The following LAYN variants were observed in gnomAD, a reference collection of about 807,000 sequenced individuals.
LAYN encodes layilin.
LAYN carries 38 observed loss-of-function variants against 43.6 expected under a neutral mutation model. The observed-to-expected ratio is 0.87, with a 90% confidence interval of 0.67 to 1.14. LAYN has a LOEUF of 1.14. Ranked by LOEUF, LAYN falls within the 50% of genes most tolerant of loss-of-function variation. The pLI is 0.00. For missense variants in LAYN, 479 were observed against 463.8 expected, an observed-to-expected ratio of 1.03 and a Z score of -0.30; for synonymous variants, 168 against 172.9, an observed-to-expected ratio of 0.97 and a Z score of 0.22.
At chr11:111,542,632 G>A (rs1867567739) in intron 1 of LAYN, among the ~76,000 whole-genome samples, 1 of 152,186 alleles carries the variant, frequency 6.6e-6, no homozygotes, top group Non-Finnish European at 1.5e-5. Context: ...GTTCTGGGAG[G>A]AGGTTCCCAA....
intron 6 of LAYN, 116 bp downstream of exon 6, chr11:111,557,759 G>A: frequency 1.2e-6 from 1 of 846,454 alleles, no homozygotes; most frequent in East Asian, 2.4e-5. Context: ...CACCATTGCA[G>A]ATTGGAGAGT....
In LAYN at chr11:111,553,069, C is replaced by T. The variant is rs150503192; in HGVS notation, c.542-1492C>T. On this transcript the variant is annotated intron_variant, in intron 3 of 6. Transcript: ENST00000375614. ...CATCCTGGCTAACACTGTGAAACCCCGTCTCTACTAAAAAATACAAAAAAT... is the reference window on the plus strand; with the variant it reads ...CATCCTGGCTAACACTGTGAAACCCTGTCTCTACTAAAAAATACAAAAAAT... Among the ~76,000 whole-genome samples, 800 of 151,932 alleles carry T rather than the reference C, an allele frequency of 5.3e-3. 8 individuals are homozygous for T. Among genetic ancestry groups the T allele is most frequent in the African/African-American group, 0.018 (741 of 41,388 alleles).
chr11:111,544,145 G>A lies in LAYN; in HGVS notation c.308G>A (p.Arg103His), dbSNP rs199956904. The A allele has an allele frequency of 2.9e-4, 467 of 1,614,034 alleles. 2 individuals carry two copies. The highest frequency in any genetic ancestry group is 2.7e-4 in the Non-Finnish European group (316 of 1,180,030). Residue 103 changes from arginine (R) to histidine (H), a missense_variant, in exon 2 of 7, where the codon CGT (arginine) becomes CAT (histidine). By Grantham distance (29) the Arg-to-His change is conservative (BLOSUM62 0). Coordinates refer to ENST00000375614, the MANE Select transcript of LAYN (RefSeq NM_178834.5). ...DGDFWIGLRR[R>H]EEKQSNSTAC... is the part of the protein sequence containing the mutation. ...GACTTCTGGATTGGGCTCAGGAGGCGTGAGGAGAAACAAAGCAATAGCACA... is the reference window on the plus strand; with the variant it reads ...GACTTCTGGATTGGGCTCAGGAGGCATGAGGAGAAACAAAGCAATAGCACA...
chr11:111,544,330 T>C, intron 2 of LAYN, 110 bp downstream of exon 2: 1 of 1,070,882 alleles, frequency 9.3e-7, no homozygotes, highest in East Asian at 2.5e-5. Context: ...ACCAGGCAGA[T>C]CTCTGAAGGG....
At chr11:111,556,466 G>A (rs184580361) in intron 5 of LAYN, among the ~76,000 whole-genome samples, 41 of 152,274 alleles carry the variant, frequency 2.7e-4, no homozygotes, top group East Asian at 2.3e-3. Flanking sequence ...GCCAGCCCCC[G>A]TCTGAATCAT....
Position 111,560,099 on chromosome 11 carries a change from C to T in LAYN, c.766C>T (p.Arg256Trp), listed in dbSNP as rs773587902. ...CCTGGTTTTCTTTCTTCCTAGAAAA[C>T]GGGAGCAGCCAGACCCTAGCACAAA... is the stretch of plus-strand genomic sequence containing the variant. ...CWVWICRKRK[R>W]EQPDPSTKKQ... Residue 256 changes from arginine to tryptophan, a missense_variant, in exon 7 of 7, where the codon CGG becomes TGG. Coordinates refer to ENST00000375614, the MANE Select transcript of LAYN (RefSeq NM_178834.5). 36 of 1,595,318 alleles carry T rather than the reference C, an allele frequency of 2.3e-5. No homozygotes were observed. Among genetic ancestry groups the T allele is most frequent in the African/African-American group, 6.8e-5 (5 of 73,814 alleles).
At chr11:111,542,221 C>T (rs1848464902) in intron 1 of LAYN, among the ~76,000 whole-genome samples, 1 of 152,216 alleles carries the variant, frequency 6.6e-6, no homozygotes, top group African/African-American at 2.4e-5. Context: ...CAGCCCCCTT[C>T]CCGGGGGTAT....
intron 1 of LAYN, 77 bp from the exon 2 acceptor site, chr11:111,543,846 C>T: frequency 7.1e-7 from 1 of 1,414,864 alleles, no homozygotes; most frequent in Non-Finnish European, 9.6e-7. Flanking sequence ...GGATACCTTC[C>T]TTTGGATGCC....
intron 3 of LAYN, among the ~76,000 whole-genome samples, chr11:111,552,667 T>G (rs1051527828): frequency 1.3e-5 from 2 of 152,246 alleles, no homozygotes; most frequent in Non-Finnish European, 2.9e-5. Context: ...TGTGCCGTTT[T>G]TAACTTTGCA....
chr11:111,540,459 G>C, upstream of LAYN: 1 of 282,402 alleles, frequency 3.5e-6, no homozygotes, highest in Non-Finnish European at 6.7e-6. Flanking sequence ...CTCGTTATCA[G>C]ATTGCCTAGG....
At chr11:111,549,801 C>T (rs372519771) in intron 3 of LAYN, 26 bp downstream of exon 3, 285 of 1,580,032 alleles carry the variant, frequency 1.8e-4, no homozygotes, top group Non-Finnish European at 2.2e-4. Context: ...CCAAGCTATG[C>T]GGCTGAATTC....
chr11:111,550,317 A>G (rs189229250), intron 3 of LAYN, among the ~76,000 whole-genome samples: 8 of 152,340 alleles, frequency 5.3e-5, no homozygotes, highest in African/African-American at 1.4e-4. Flanking sequence ...TGCCTTGCAA[A>G]TTCAACTTAC....
upstream of LAYN, chr11:111,540,372 C>G (rs542620636): frequency 1.4e-3 from 252 of 175,642 alleles, 2 homozygotes; most frequent in African/African-American, 5.8e-3. Flanking sequence ...CCAGGTGCAC[C>G]CGCACAGCTG....
Position 111,557,631 on chromosome 11 carries a change from T to C in LAYN, c.749T>C (p.Ile250Thr). 1.9e-6 allele frequency: 3 copies of C among 1,613,604 alleles called. No homozygotes were observed. The highest frequency in any genetic ancestry group is 2.5e-6 in the Non-Finnish European group (3 of 1,179,458). The change falls in exon 6 of 7, where the codon ATC (isoleucine) becomes ACC (threonine). Residue 250 changes from isoleucine to threonine, a missense_variant. Coordinates refer to ENST00000375614, the MANE Select transcript of LAYN (RefSeq NM_178834.5). Reference sequence around the variant, plus strand: ...ACCACAGTTGTATGTTGGGTTTGGATCTGTAGAAAAAGGCAAGTAAAACCT... The same window carrying C: ...ACCACAGTTGTATGTTGGGTTTGGACCTGTAGAAAAAGGCAAGTAAAACCT... ...VVTTVVCWVW[I>T]CRKRKREQPD...
In LAYN at chr11:111,549,614, A is replaced by G; in HGVS notation, c.384-4A>G. The G allele has an allele frequency of 6.5e-7, 1 of 1,538,988 alleles. No homozygotes were observed. Among genetic ancestry groups the G allele is most frequent in the Non-Finnish European group, 8.7e-7 (1 of 1,150,638 alleles). ...TGCCTCTACTGCTGATCCCTTCCCT[A>G]CAGGAACTGGTATGTGGATGAGCCA... On this transcript the variant is annotated splice_polypyrimidine_tract_variant and splice_region_variant and intron_variant, in intron 2 of 6. Coordinates refer to ENST00000375614, the MANE Select transcript of LAYN (RefSeq NM_178834.5).
intron 3 of LAYN, among the ~76,000 whole-genome samples, chr11:111,554,317 A>G (rs1348853266): frequency 6.6e-6 from 1 of 152,102 alleles, no homozygotes; most frequent in African/African-American, 2.4e-5. Context: ...TATCATATTT[A>G]AACGTTTTTA....
chr11:111,548,821 C>T (rs983908535), intron 2 of LAYN, among the ~76,000 whole-genome samples: 1 of 152,198 alleles, frequency 6.6e-6, no homozygotes, highest in Non-Finnish European at 1.5e-5. Flanking sequence ...AGCCCTGAGT[C>T]AGCACATGGG....
chr11:111,554,467 G>A, intron 3 of LAYN, 94 bp from the exon 4 acceptor site: 1 of 940,432 alleles, frequency 1.1e-6, no homozygotes, highest in Non-Finnish European at 1.7e-6. Flanking sequence ...GAATGAATCA[G>A]CAAATAAATG....
At chr11:111,559,043 C>T (rs1867897377) in intron 6 of LAYN, among the ~76,000 whole-genome samples, 1 of 152,046 alleles carries the variant, frequency 6.6e-6, no homozygotes, top group African/African-American at 2.4e-5. Flanking sequence ...ACCTCAGCTG[C>T]CCTAAGTGCT....
Sources: allele counts gnomAD v4.1 joint callset (sites outside exome capture counted in the v4.1 genomes callset), GRCh38; gene constraint gnomAD v4.1.1; transcripts MANE v1.5; gene names NCBI Gene and HGNC (gene_info 2026-07-23, HGNC 2026-07-21).